The following LILRA4 variants were observed in gnomAD, a reference collection of about 807,000 sequenced individuals.
LILRA4 encodes leukocyte immunoglobulin-like receptor subfamily A member 4.
A neutral mutation model predicts 49.5 loss-of-function variants in LILRA4; 51 were observed. The observed-to-expected ratio is 1.03, with a 90% CI of 0.82 to 1.30. LILRA4 has a LOEUF of 1.30. Ranked by LOEUF, LILRA4 falls within the 50% of genes most tolerant of loss-of-function variation. LILRA4 has a pLI of 0.00. For missense variants in LILRA4, 624 were observed against 625.6 expected (o/e 1.00, Z 0.03); for synonymous variants, 272 against 265.6 (o/e 1.02, Z -0.23).
At chr19:54,334,038 C>T (rs1569162680) in intron 6 of LILRA4, 73 bp from the exon 7 acceptor site, 2 of 1,205,426 alleles carry the variant, frequency 1.7e-6, no homozygotes, top group South Asian at 2.4e-5. Context: ...TTCTTATATT[C>T]CTCCACCTCT....
intron 6 of LILRA4, chr19:54,334,429 C>T (rs1188923256): frequency 6.2e-6 from 1 of 161,742 alleles, no homozygotes; most frequent in Non-Finnish European, 1.3e-5. Flanking sequence ...CTGCAACGGC[C>T]CCCACTGTGT....
chr19:54,338,359 C>T, intron 3 of LILRA4, 37 bp downstream of exon 3: 1 of 1,611,550 alleles, frequency 6.2e-7, no homozygotes, highest in Non-Finnish European at 8.5e-7. Flanking sequence ...TTCCCGAGGG[C>T]AGAGCCTGGG....
At chr19:54,338,708 A>C (rs1428310920) in intron 2 of LILRA4, 28 bp from the exon 3 acceptor site, 11 of 1,597,300 alleles carry the variant, frequency 6.9e-6, no homozygotes, top group Non-Finnish European at 9.4e-6. Flanking sequence ...GTTAGGTCCC[A>C]AGATGTCCTC....
rs202076914 is a variant in LILRA4, at chr19:54,333,779, A to T, written c.1307-14T>A. 3 of 1,614,080 alleles carry T rather than the reference A, an allele frequency of 1.9e-6. No individual in the cohort carries two copies. Among genetic ancestry groups the T allele is most frequent in the Non-Finnish European group, 2.5e-6 (3 of 1,179,980 alleles). Reference sequence around the variant, plus strand: ...GGAGGTGTGGGGCTAGGGATGGTGGACAAAGAGGTCACAGAGGTCAGGGCA... The same window carrying T: ...GGAGGTGTGGGGCTAGGGATGGTGGTCAAAGAGGTCACAGAGGTCAGGGCA... On this transcript the variant is annotated splice_polypyrimidine_tract_variant and intron_variant, in intron 7 of 7. Transcript: ENST00000291759.
At chr19:54,334,142 C>T (rs1056931575) in intron 6 of LILRA4, 177 bp from the exon 7 acceptor site, 2 of 584,646 alleles carry the variant, frequency 3.4e-6, no homozygotes, top group African/African-American at 3.7e-5. Context: ...CCTCTCTGTG[C>T]TCTGGGAATT....
rs370153303 is a variant in LILRA4, at chr19:54,338,431, G to A, written c.320C>T (p.Ser107Leu). 5.0e-6 allele frequency: 8 copies of A among 1,614,010 alleles called. No homozygotes were observed. Among genetic ancestry groups the A allele is most frequent in the Non-Finnish European group, 6.8e-6 (8 of 1,180,024 alleles). ...CAGCTCCAGGGGGTCGCTGGGCTCT[G>A]ACCAGCCTGCAGGGCTCTGATAGTA... ...HCYYQSPAGW[S>L]EPSDPLELVV... The change falls in exon 3 of 8, where the codon TCA (serine) becomes TTA (leucine). Residue 107 changes from serine to leucine, a missense_variant. Coordinates refer to ENST00000291759, the MANE Select transcript of LILRA4 (RefSeq NM_012276.5).
Position 54,333,950 on chromosome 19 carries a change from A to G in LILRA4, c.1271T>C (p.Leu424Pro). ...ATCTGACTTCTTTTGTGCTGGATTG[A>G]GGGTCTCAGTTGCTCCTAAGAATCA... is the stretch of plus-strand genomic sequence containing the variant. The part of the protein sequence containing the change: ...ELVVSGATET[L>P]NPAQKKSDSK... The change falls in exon 7 of 8, where the codon CTC becomes CCC. Residue 424 changes from leucine (L) to proline (P), a missense_variant. By Grantham distance (98) the Leu-to-Pro change is moderately conservative (BLOSUM62 -3). Coordinates refer to ENST00000291759, the MANE Select transcript of LILRA4 (RefSeq NM_012276.5). 1 of 1,613,954 alleles carries G rather than the reference A, an allele frequency of 6.2e-7. No individual in the cohort carries two copies. Among genetic ancestry groups the G allele is most frequent in the African/African-American group, 1.3e-5 (1 of 75,006 alleles).
chr19:54,333,943 T>C lies in LILRA4; in HGVS notation c.1278A>G (p.Pro426=). The C allele has an allele frequency of 6.2e-7, 1 of 1,614,094 alleles. No individual in the cohort carries two copies. ...TCTTGGAATCTGACTTCTTTTGTGCTGGATTGAGGGTCTCAGTTGCTCCTA... is the reference window on the plus strand; with the variant it reads ...TCTTGGAATCTGACTTCTTTTGTGCCGGATTGAGGGTCTCAGTTGCTCCTA... ...VVSGATETLN[P]AQKKSDSKTA... is the part of the protein sequence containing the mutation. The change falls in exon 7 of 8, where the codon CCA becomes CCG. Residue 426 remains proline (P), a synonymous_variant. Coordinates refer to ENST00000291759, the MANE Select transcript of LILRA4 (RefSeq NM_012276.5).
In LILRA4 at chr19:54,338,044, C is replaced by T. The variant is rs1167562959; in HGVS notation, c.547G>A (p.Gly183Ser). 1.2e-6 allele frequency: 2 copies of T among 1,614,010 alleles called. No individual in the cohort carries two copies. The highest frequency in any genetic ancestry group is 1.7e-6 in the Non-Finnish European group (2 of 1,179,986). ...HGKFQALFPM[G>S]PLTFSNRGTF... ...CCCCTGTTGCTGAAGGTCAGGGGGC[C>T]CATGGGGAACAGGGCCTGGAACTTT... The change falls in exon 4 of 8, where the codon GGC becomes AGC. Residue 183 changes from glycine to serine, a missense_variant. Coordinates refer to ENST00000291759, the MANE Select transcript of LILRA4 (RefSeq NM_012276.5).
rs553949608 is a variant in LILRA4, at chr19:54,336,768, T to C, written c.1255+73A>G. 4 of 1,554,156 alleles carry C rather than the reference T, an allele frequency of 2.6e-6. No homozygotes were observed. The Admixed American group carries it at 7.4e-5, about 29-fold the overall frequency. On this transcript the variant is annotated intron_variant, in intron 6 of 7. Transcript: ENST00000291759. ...GCAAGTGAGACAGACAGACGGACAC[T>C]CTCTTGGAAGCTCTCCTTTTTCATT...
chr19:54,337,209 T>C (rs562763429), intron 5 of LILRA4, 66 bp from the exon 6 acceptor site: 1 of 1,496,726 alleles, frequency 6.7e-7, no homozygotes, highest in African/African-American at 1.4e-5. Flanking sequence ...TCCCCACCAG[T>C]CCTCTCCCTG....
intron 6 of LILRA4, 99 bp from the exon 7 acceptor site, chr19:54,334,064 T>C: frequency 1.0e-6 from 1 of 986,594 alleles, no homozygotes; most frequent in South Asian, 1.4e-5. Flanking sequence ...TGTGACTTTA[T>C]GTAGATCCTT....
Position 54,338,478 on chromosome 19 carries a change from T to TG in LILRA4, c.272_273insC (p.Glu91AspfsTer66), listed in dbSNP as rs1234688169. ...AGTAACAGTGATATCGCCCTGCATG[T>TG]TCCCACATCATGGATGGGATGGAGA... On this transcript the variant is annotated frameshift_variant, in exon 3 of 8. Coordinates refer to ENST00000291759, the MANE Select transcript of LILRA4 (RefSeq NM_012276.5). LOFTEE classifies it high-confidence loss of function. The TG allele has an allele frequency of 1.9e-6, 3 of 1,614,198 alleles. No homozygotes were observed. The highest frequency in any genetic ancestry group is 2.5e-6 in the Non-Finnish European group (3 of 1,180,016).
Position 54,333,665 on chromosome 19 carries a change from G to C in LILRA4, c.1407C>G (p.His469Gln). 1 of 1,614,158 alleles carries C rather than the reference G, an allele frequency of 6.2e-7. No individual in the cohort carries two copies. The stretch of plus-strand genomic sequence containing the variant: ...TGCACCTTGGGGGGCTTCTCTGGCT[G>C]TGCTGAGCCTCAAATAACAGAATCC... ...FLGILLFEAQ[H>Q]SQRSPPRCSQ... The change falls in exon 8 of 8, where the codon CAC becomes CAG. Residue 469 changes from histidine (H) to glutamine (Q), a missense_variant. By Grantham distance (24) the His-to-Gln change is conservative. Transcript: ENST00000291759.
chr19:54,333,757 G>A lies in LILRA4; in HGVS notation c.1315C>T (p.Leu439Phe). Residue 439 changes from leucine to phenylalanine, a missense_variant, in exon 8 of 8, where the codon CTC becomes TTC. Coordinates refer to ENST00000291759, the MANE Select transcript of LILRA4 (RefSeq NM_012276.5). ...KKSDSKTAPH[L>F]QDYTVENLIR... The stretch of plus-strand genomic sequence containing the variant: ...AGATTCTCCACTGTGTAATCCTGGA[G>A]GTGTGGGGCTAGGGATGGTGGACAA... The A allele has an allele frequency of 6.2e-7, 1 of 1,614,166 alleles. No homozygotes were observed.
chr19:54,337,647 G>A lies in LILRA4; in HGVS notation c.705C>T (p.Thr235=). The A allele has an allele frequency of 6.2e-7, 1 of 1,613,570 alleles. No individual in the cohort carries two copies. Among genetic ancestry groups the A allele is most frequent in the Non-Finnish European group, 8.5e-7 (1 of 1,179,864 alleles). Residue 235 remains threonine (T), a synonymous_variant, in exon 5 of 8, where the codon ACC becomes ACT. Coordinates refer to ENST00000291759, the MANE Select transcript of LILRA4 (RefSeq NM_012276.5). ...ACTGGAGGGTCAGATTCTCTCCGGGGGTCACGACAGGGCCCTGCAGGGTCA... is the reference window on the plus strand; with the variant it reads ...ACTGGAGGGTCAGATTCTCTCCGGGAGTCACGACAGGGCCCTGCAGGGTCA... ...SLLTLQGPVV[T]PGENLTLQCG...
chr19:54,336,991 A>G lies in LILRA4; in HGVS notation c.1105T>C (p.Ser369Pro). ...TGGTACTTATGAGCTCCGTACATTGATCTCAGACGCAACGGGGGATGGGCT... is the reference window on the plus strand; with the variant it reads ...TGGTACTTATGAGCTCCGTACATTGGTCTCAGACGCAACGGGGGATGGGCT... ...GAAHPPLRLR[S>P]MYGAHKYQAE... Residue 369 changes from serine to proline, a missense_variant, in exon 6 of 8, where the codon TCA (serine) becomes CCA (proline). Ser to Pro is a moderately conservative substitution (Grantham distance 74). Coordinates refer to ENST00000291759, the MANE Select transcript of LILRA4 (RefSeq NM_012276.5). The G allele has an allele frequency of 6.2e-7, 1 of 1,614,118 alleles. No individual in the cohort carries two copies. The highest frequency in any genetic ancestry group is 8.5e-7 in the Non-Finnish European group (1 of 1,180,006).
Position 54,337,677 on chromosome 19 carries a change from G to A in LILRA4, c.675C>T (p.Ser225=). 6.2e-7 allele frequency: 1 copy of A among 1,612,806 alleles called. No homozygotes were observed. The change falls in exon 5 of 8, where the codon TCC becomes TCT. Residue 225 remains serine (S), a synonymous_variant. Transcript: ENST00000291759. ...LLVSGVSRKP[S]LLTLQGPVVT... ...CGACAGGGCCCTGCAGGGTCAGGAG[G>A]GAGGGCTTCCTAGACACGCCTGGAG... is the stretch of plus-strand genomic sequence containing the variant.
chr19:54,334,888 T>G (rs2122178664), intron 6 of LILRA4: 1 of 151,280 alleles, frequency 6.6e-6, no homozygotes, highest in Non-Finnish European at 1.5e-5. Context: ...GGCAGGAGAA[T>G]GGCGTGAACC....
Sources: gnomAD v4.1 joint callset for allele counts on GRCh38, gnomAD v4.1.1 for gene constraint, MANE v1.5 for transcripts, NCBI Gene and HGNC (gene_info 2026-07-23, HGNC 2026-07-21) for gene names.